DOCK11: variants seen among roughly 807,000 people sequenced by gnomAD.
DOCK11 encodes the protein dedicator of cytokinesis 11, also known as dedicator of cytokinesis protein 11.
A neutral mutation model predicts 169.1 loss-of-function variants in DOCK11; 70 were observed. The ratio of observed to expected loss-of-function variants is 0.41; its 90% confidence interval spans 0.34 to 0.51. The LOEUF (loss-of-function observed/expected upper bound fraction) is 0.51, where lower values mean the gene tolerates loss of function less well. DOCK11 is among the 20% of genes least tolerant of loss of function. The pLI is 0.10. For synonymous variants in DOCK11, 529 were observed against 541.3 expected, an observed-to-expected ratio of 0.98 and a Z score of 0.32; for missense variants, 1,166 against 1,538.8, an observed-to-expected ratio of 0.76 and a Z score of 4.05.
chrX:118,511,976 C>T (rs746579949), intron 1 of DOCK11, among the ~76,000 whole-genome samples: 2 of 112,337 alleles, frequency 1.8e-5, no homozygotes, highest in Admixed American at 9.4e-5. Flanking sequence ...TGCAGTGGCA[C>T]GATCTTGGCT....
intron 1 of DOCK11, among the ~76,000 whole-genome samples, chrX:118,510,740 G>C (rs2147311610): frequency 8.9e-6 from 1 of 111,765 alleles, no homozygotes; most frequent in East Asian, 2.8e-4. Context: ...GCTTTGCCCA[G>C]CCTGAAGGTC....
In DOCK11 at chrX:118,627,506, A is replaced by C; in HGVS notation, c.3591A>C (p.Ala1197=). 8.3e-7 allele frequency: 1 copy of C among 1,204,866 alleles called. No individual in the cohort carries two copies. The highest frequency in any genetic ancestry group is 1.8e-5 in the South Asian group (1 of 56,721). The change falls in exon 33 of 53, where the codon GCA becomes GCC. Residue 1197 remains alanine (A), a splice_region_variant and synonymous_variant. Transcript: ENST00000276202. The part of the protein sequence containing the change: ...LYSCAAMPNS[A]SRDEFPCGFT... ...ACAGGTATCATATTCTGTTACAGGC[A>C]TCCAGAGATGAGTTTCCATGTGGCT...
chrX:118,680,117 A>G (rs1390506452), intron 48 of DOCK11, among the ~76,000 whole-genome samples: 2 of 108,255 alleles, frequency 1.8e-5, no homozygotes, highest in Admixed American at 1.0e-4. Flanking sequence ...AGTAGAGACA[A>G]GGTTTCACCA....
intron 20 of DOCK11, among the ~76,000 whole-genome samples, chrX:118,596,344 T>C (rs1468488412): frequency 8.9e-6 from 1 of 112,329 alleles, no homozygotes; most frequent in East Asian, 2.8e-4. Flanking sequence ...CCATTTAGTC[T>C]ACTTAGAGAA....
At position 118,581,821 on chromosome X, in the gene DOCK11, A is replaced by AAG. The variant is rs2013649651; in HGVS notation, c.1595+1643_1595+1644insGA. Among the ~76,000 whole-genome samples, 3 of 97,928 alleles carry AAG rather than the reference A, an allele frequency of 3.1e-5. No individual in the cohort carries two copies. In the East Asian group the frequency reaches 9.4e-4, roughly 31 times the overall value. 85.0% of individuals were successfully genotyped at this position (97,928 alleles called of 115,157 possible). A position where few individuals can be genotyped will look rare whatever the true frequency, so the allele number is the denominator to read the frequency against. ...TCCGTCTCCTAAAAAAAAAAAAAAA[A>AAG]AAAAAAAAAAAAAAAAAAATTGGTT... is the stretch of plus-strand genomic sequence containing the variant. On this transcript the variant is annotated intron_variant, in intron 14 of 52. Transcript: ENST00000276202.
chrX:118,674,098 A>T (rs775181851), intron 46 of DOCK11, among the ~76,000 whole-genome samples: 13 of 111,900 alleles, frequency 1.2e-4, no homozygotes, highest in Non-Finnish European at 2.1e-4. Flanking sequence ...GATAAGGGAT[A>T]CTCAGCCTGT....
Position 118,608,357 on chromosome X carries a change from G to T in DOCK11, c.2877+1G>T. On this transcript the variant is annotated splice_donor_variant, in intron 26 of 52. Coordinates refer to ENST00000276202, the MANE Select transcript of DOCK11 (RefSeq NM_144658.4). LOFTEE classifies it high-confidence loss of function. ...TTTATCAATAAACAAATTGCTAAAG[G>T]TATGAACACAGGACACAACAAGGAA... 8.3e-7 allele frequency: 1 copy of T among 1,202,679 alleles called. No individual in the cohort carries two copies. The highest frequency in any genetic ancestry group is 1.8e-5 in the South Asian group (1 of 55,171).
chrX:118,617,486 T>G (rs1348425100), intron 30 of DOCK11, among the ~76,000 whole-genome samples: 2 of 91,157 alleles, frequency 2.2e-5, no homozygotes, highest in African/African-American at 7.9e-5. Flanking sequence ...AGCGAGACTC[T>G]GTCTCAAAAA....
At chrX:118,658,146 G>A (rs1431750487) in intron 44 of DOCK11, among the ~76,000 whole-genome samples, 1 of 111,004 alleles carries the variant, frequency 9.0e-6, no homozygotes, top group Admixed American at 9.5e-5. Flanking sequence ...AAAGATAATT[G>A]GGCACCTTTA....
chrX:118,518,842 A>T (rs925999759), intron 1 of DOCK11, among the ~76,000 whole-genome samples: 2 of 111,562 alleles, frequency 1.8e-5, no homozygotes, highest in African/African-American at 6.5e-5. Context: ...CCTGATGTTG[A>T]TAGTAGGGGA....
intron 6 of DOCK11, among the ~76,000 whole-genome samples, chrX:118,547,964 C>T (rs1328039921): frequency 9.0e-6 from 1 of 111,677 alleles, no homozygotes; most frequent in East Asian, 2.8e-4. Flanking sequence ...AGGAGGATCG[C>T]TTGAGCCCAG....
intron 1 of DOCK11, among the ~76,000 whole-genome samples, chrX:118,528,251 G>A (rs886957446): frequency 1.8e-5 from 2 of 112,332 alleles, no homozygotes; most frequent in African/African-American, 3.2e-5. Flanking sequence ...GAATGAAGCC[G>A]CCCCACCCCT....
intron 1 of DOCK11, among the ~76,000 whole-genome samples, chrX:118,503,074 C>CTTTTTTTTTTTTTTTTTTTTTTTTT (rs767017269): frequency 1.1e-5 from 1 of 90,789 alleles, no homozygotes; most frequent in Non-Finnish European, 2.1e-5. Flanking sequence ...ATAACAAAGG[C>CTTTTTTTTTTTTTTTTTTTTTTTTT]TTTTTTTTTT....
intron 36 of DOCK11, among the ~76,000 whole-genome samples, chrX:118,637,360 T>A (rs916621247): frequency 2.7e-5 from 3 of 111,704 alleles, no homozygotes; most frequent in African/African-American, 6.5e-5. Flanking sequence ...CCTACTTTTG[T>A]ACGCGTTTGA....
Position 118,676,673 on chromosome X carries a change from T to C in DOCK11, c.5396T>C (p.Leu1799Pro). Residue 1799 changes from leucine to proline, a missense_variant, in exon 48 of 53, where the codon CTT becomes CCT. Leu to Pro is a moderately conservative substitution (Grantham distance 98). Transcript: ENST00000276202. ...LTGLSEISLR[L>P]VKLYGEKFGT... ...GGCCTCTCAGAAATTTCCTTGAGAC[T>C]TGTTAAACTTTATGGTGAAAAGTTT... The C allele has an allele frequency of 8.3e-7, 1 of 1,206,882 alleles. No homozygotes were observed. The highest frequency in any genetic ancestry group is 1.1e-6 in the Non-Finnish European group (1 of 892,111).
intron 1 of DOCK11, among the ~76,000 whole-genome samples, chrX:118,531,412 CAAAAAAAAAAAAAAAAAAAA>C (rs60932296): frequency 5.1e-4 from 15 of 29,207 alleles, no homozygotes; most frequent in East Asian, 3.0e-3. Context: ...GCCATATACT[CAAAAAAAAAAAAAAAAAAAA>C]AAAAAAAAAA....
intron 33 of DOCK11, 30 bp from the exon 34 acceptor site, chrX:118,628,133 A>G (rs748007053): frequency 2.5e-5 from 26 of 1,034,112 alleles, no homozygotes; most frequent in Non-Finnish European, 3.3e-5. Flanking sequence ...CCCTCTTGCC[A>G]ACAAGGGCTT....
At chrX:118,641,967 CT>C (rs1475841040) in intron 39 of DOCK11, among the ~76,000 whole-genome samples, 1 of 110,276 alleles carries the variant, frequency 9.1e-6, no homozygotes, top group Non-Finnish European at 1.9e-5. Context: ...AAGTTAATTG[CT>C]TCAGACCTCG....
intron 36 of DOCK11, among the ~76,000 whole-genome samples, chrX:118,636,864 CGT>C (rs2015404052): frequency 9.1e-6 from 1 of 110,030 alleles, no homozygotes; most frequent in Admixed American, 9.6e-5. Context: ...CACACACACA[CGT>C]GTATATGTAT....
Sources: allele counts gnomAD v4.1 joint callset (sites outside exome capture counted in the v4.1 genomes callset), GRCh38; gene constraint gnomAD v4.1.1; transcripts MANE v1.5; gene names NCBI Gene and HGNC (gene_info 2026-07-23, HGNC 2026-07-21).